EEA1: variants seen among roughly 807,000 people sequenced by gnomAD.
The protein encoded by EEA1 is early endosome antigen 1.
In EEA1, 111 loss-of-function variants were observed where a neutral mutation model predicts 209.2. The observed-to-expected ratio is 0.53, with a 90% CI of 0.45 to 0.62. The LOEUF is 0.62. EEA1 is among the 20% of genes least tolerant of loss of function. The probability of loss-of-function intolerance (pLI) is 0.00; values close to 1 mark genes in which losing one functional copy is unlikely to be tolerated. For missense variants in EEA1, 1,343 were observed against 1,530.8 expected (o/e 0.88, Z 2.05); for synonymous variants, 536 against 540.6 (o/e 0.99, Z 0.12).
At chr12:92,794,491 C>T (rs952467457) in intron 21 of EEA1, among the ~76,000 whole-genome samples, 1 of 151,920 alleles carries the variant, frequency 6.6e-6, no homozygotes. Context: ...AAATGTCCAT[C>T]GATGATAGAC....
chr12:92,807,677 CA>C (rs1875280738), intron 18 of EEA1, among the ~76,000 whole-genome samples: 1 of 151,820 alleles, frequency 6.6e-6, no homozygotes, highest in Non-Finnish European at 1.5e-5. Context: ...ATTACATTTA[CA>C]ATAGCATTAA....
At chr12:92,815,855 A>T (rs1014909587) in intron 15 of EEA1, among the ~76,000 whole-genome samples, 2 of 152,124 alleles carry the variant, frequency 1.3e-5, no homozygotes, top group Non-Finnish European at 2.9e-5. Context: ...AAACAAGGAA[A>T]ATCTAAAAGA....
intron 1 of EEA1, among the ~76,000 whole-genome samples, chr12:92,898,541 G>T (rs1453660327): frequency 6.6e-6 from 1 of 151,860 alleles, no homozygotes; most frequent in African/African-American, 2.4e-5. Context: ...GTGCACACCT[G>T]TAATCCCAGC....
chr12:92,910,194 A>T (rs1880526791), intron 1 of EEA1, among the ~76,000 whole-genome samples: 1 of 148,720 alleles, frequency 6.7e-6, no homozygotes, highest in Non-Finnish European at 1.5e-5. Context: ...ACTCAAGGTC[A>T]GGCGCGGTGG....
chr12:92,874,608 C>T (rs1484775674), intron 2 of EEA1, among the ~76,000 whole-genome samples: 3 of 152,314 alleles, frequency 2.0e-5, no homozygotes, highest in African/African-American at 4.8e-5. Flanking sequence ...TCAGGTGATC[C>T]GCCTGCCTCA....
intron 5 of EEA1, among the ~76,000 whole-genome samples, chr12:92,856,485 A>T (rs1235295642): frequency 6.6e-6 from 1 of 152,114 alleles, no homozygotes; most frequent in Admixed American, 6.6e-5. Flanking sequence ...ATGTACAAAT[A>T]CACATTTTTT....
intron 19 of EEA1, 33 bp downstream of exon 19, chr12:92,802,371 T>G: frequency 4.0e-6 from 6 of 1,516,618 alleles, no homozygotes; most frequent in Non-Finnish European, 5.3e-6. Flanking sequence ...AAATAATCAC[T>G]TCTACCTAAG....
At chr12:92,832,112 A>G in intron 11 of EEA1, among the ~76,000 whole-genome samples, 1 of 149,188 alleles carries the variant, frequency 6.7e-6, no homozygotes, top group South Asian at 2.1e-4. Flanking sequence ...AAAAAAAAAA[A>G]TATCCAATTT....
intron 19 of EEA1, 73 bp downstream of exon 19, chr12:92,802,322 AACTGTGAAT>A (rs1874955403): frequency 7.8e-7 from 1 of 1,289,788 alleles, no homozygotes; most frequent in African/African-American, 1.5e-5. Context: ...AAGAAAAGCA[AACTGTGAAT>A]TAAGCAGAAA....
At chr12:92,777,192 TC>T (rs1873691935) in intron 27 of EEA1, among the ~76,000 whole-genome samples, 1 of 151,944 alleles carries the variant, frequency 6.6e-6, no homozygotes, top group Non-Finnish European at 1.5e-5. Flanking sequence ...TGATTTCCAA[TC>T]CATTCTAAAC....
At chr12:92,852,054 A>G (rs929310921) in intron 8 of EEA1, 121 bp downstream of exon 8, 1 of 713,572 alleles carries the variant, frequency 1.4e-6, no homozygotes, top group African/African-American at 1.9e-5. Flanking sequence ...GAATATAGGG[A>G]ATTGCTTATT....
intron 1 of EEA1, among the ~76,000 whole-genome samples, chr12:92,908,876 T>C (rs1025823140): frequency 2.0e-5 from 3 of 152,170 alleles, no homozygotes; most frequent in African/African-American, 7.2e-5. Flanking sequence ...CAAGCTGGAG[T>C]GCAGTGGTAC....
At chr12:92,924,925 T>C (rs1377665180) in intron 1 of EEA1, among the ~76,000 whole-genome samples, 2 of 150,318 alleles carry the variant, frequency 1.3e-5, no homozygotes, top group Non-Finnish European at 3.0e-5. Flanking sequence ...CTTCAATAAA[T>C]TAGCAATACT....
At position 92,871,928 on chromosome 12, in the gene EEA1, T is replaced by C. The variant is rs192485207; in HGVS notation, c.118-6941A>G. ...GACAGTTTCACTCTGTTGCCCAAGC[T>C]GTAGTGCAATGGTGCCATCTCAGCT... On this transcript the variant is annotated intron_variant, in intron 2 of 28. Coordinates refer to ENST00000322349, the MANE Select transcript of EEA1 (RefSeq NM_003566.4). 1.0e-3 allele frequency among the ~76,000 whole-genome samples: 156 copies of C among 152,358 alleles called. 1 individual carries two copies. Among genetic ancestry groups the C allele is most frequent in the Non-Finnish European group, 1.7e-3 (116 of 68,034 alleles).
At chr12:92,807,693 AT>A (rs1311328417) in intron 18 of EEA1, among the ~76,000 whole-genome samples, 5 of 152,294 alleles carry the variant, frequency 3.3e-5, no homozygotes, top group Admixed American at 1.3e-4. Context: ...CATTAAAAAA[AT>A]ATTCAGGAAT....
At chr12:92,869,568 AC>A (rs1878540211) in intron 2 of EEA1, among the ~76,000 whole-genome samples, 1 of 150,160 alleles carries the variant, frequency 6.7e-6, no homozygotes, top group Non-Finnish European at 1.5e-5. Context: ...ACATGGTGAA[AC>A]CCCATCTCTA....
chr12:92,799,436 A>T (rs1279825601), intron 20 of EEA1, among the ~76,000 whole-genome samples: 1 of 152,130 alleles, frequency 6.6e-6, no homozygotes, highest in Non-Finnish European at 1.5e-5. Flanking sequence ...CTCTTGTATT[A>T]TGGAAAATAG....
intron 21 of EEA1, among the ~76,000 whole-genome samples, chr12:92,788,301 G>A (rs1259208356): frequency 6.6e-6 from 1 of 151,144 alleles, no homozygotes; most frequent in African/African-American, 2.4e-5. Flanking sequence ...CATTTCACTG[G>A]GAAGTACTAT....
rs1434329709 is a variant in EEA1 at position 92,770,662 on chromosome 12, A to G, written c.*5349T>C. 1.3e-5 allele frequency: 2 copies of G among 152,716 alleles called. No homozygotes were observed. The highest frequency in any genetic ancestry group is 2.4e-5 in the African/African-American group (1 of 41,454). The allele number at this position is 152,716 out of a possible 1,614,324, so 9.5% of individuals were successfully genotyped here. ...AGTCCTACCTCAAACATAATGATAAATCTTTAGATACAAAGCTTGATTGTT... is the reference window on the plus strand; with the variant it reads ...AGTCCTACCTCAAACATAATGATAAGTCTTTAGATACAAAGCTTGATTGTT... On this transcript the variant is annotated 3_prime_UTR_variant, in exon 29 of 29. Coordinates refer to ENST00000322349, the MANE Select transcript of EEA1 (RefSeq NM_003566.4).
Sources: allele counts gnomAD v4.1 joint callset (sites outside exome capture counted in the v4.1 genomes callset), GRCh38; gene constraint gnomAD v4.1.1; transcripts MANE v1.5; gene names NCBI Gene and HGNC (gene_info 2026-07-23, HGNC 2026-07-21).